Variants in RGS7 observed in about 807,000 individuals in gnomAD.
The protein encoded by RGS7 is regulator of G-protein signaling 7.
In RGS7, 27 loss-of-function variants were observed where a neutral mutation model predicts 81.1. The ratio of observed to expected loss-of-function variants is 0.33; its 90% CI spans 0.25 to 0.46. The LOEUF is 0.46. Ranked by LOEUF, RGS7 falls within the 20% of genes least tolerant of loss-of-function variation. The pLI, the probability that RGS7 is intolerant of heterozygous loss-of-function variation, is 1.00. For synonymous variants in RGS7, 208 were observed against 207.7 expected (o/e 1.00, Z -0.01); for missense variants, 396 against 607.4 (o/e 0.65, Z 3.66).
intron 2 of RGS7, among the ~76,000 whole-genome samples, chr1:241,310,081 C>T (rs377179406): frequency 3.9e-5 from 6 of 152,162 alleles, no homozygotes; most frequent in African/African-American, 9.7e-5. Flanking sequence ...AATCCTGTTT[C>T]GTAAGCAATA....
chr1:240,859,643 T>C (rs1661829513), intron 9 of RGS7, among the ~76,000 whole-genome samples: 1 of 151,974 alleles, frequency 6.6e-6, no homozygotes, highest in African/African-American at 2.4e-5. Context: ...TTGACTTTAC[T>C]GGTTTTTTCC....
At chr1:241,042,967 A>AC (rs1163221478) in intron 3 of RGS7, among the ~76,000 whole-genome samples, 1 of 152,004 alleles carries the variant, frequency 6.6e-6, no homozygotes, top group East Asian at 1.9e-4. Flanking sequence ...AAAAAAAAAA[A>AC]AAAAGGATTA....
At chr1:241,157,732 A>G (rs922614209) in intron 2 of RGS7, among the ~76,000 whole-genome samples, 3 of 152,156 alleles carry the variant, frequency 2.0e-5, no homozygotes, top group African/African-American at 4.8e-5. Flanking sequence ...AAAATAAAAT[A>G]AAAAGCATAA....
At chr1:241,354,788 T>C (rs1040255598) in intron 2 of RGS7, among the ~76,000 whole-genome samples, 3 of 152,212 alleles carry the variant, frequency 2.0e-5, no homozygotes, top group African/African-American at 7.2e-5. Flanking sequence ...CTTTTTACCA[T>C]TGTTAGTGTT....
chr1:240,967,568 TGG>T (rs543910244), intron 4 of RGS7, among the ~76,000 whole-genome samples: 30 of 54,004 alleles, frequency 5.6e-4, no homozygotes, highest in Admixed American at 4.0e-3. Flanking sequence ...TGCCAAGAAG[TGG>T]GGGGGGGGGG....
chr1:240,843,940 C>T (rs1658587219), intron 9 of RGS7, among the ~76,000 whole-genome samples: 1 of 152,098 alleles, frequency 6.6e-6, no homozygotes, highest in South Asian at 2.1e-4. Flanking sequence ...TCTGTGAAAT[C>T]AGAGTCCATG....
At chr1:240,875,701 C>T (rs952276558) in intron 6 of RGS7, among the ~76,000 whole-genome samples, 2 of 152,200 alleles carry the variant, frequency 1.3e-5, no homozygotes, top group South Asian at 2.1e-4. Context: ...ACGCTTGTTA[C>T]CTTTCATCTT....
At chr1:241,273,228 T>A (rs996950708) in intron 2 of RGS7, among the ~76,000 whole-genome samples, 2 of 137,232 alleles carry the variant, frequency 1.5e-5, no homozygotes, top group Non-Finnish European at 3.1e-5. Context: ...AGTTAGCTAA[T>A]CTGCAGCTGA....
At chr1:241,083,254 G>GAAACA (rs149562159) in intron 3 of RGS7, among the ~76,000 whole-genome samples, 32,806 of 141,910 alleles carry the variant, frequency 0.23, 4,329 homozygotes, top group African/African-American at 0.37. Flanking sequence ...AAAAGAAAAA[G>GAAACA]AAACAAAACA....
chr1:241,286,396 T>C (rs2078811742), intron 2 of RGS7, among the ~76,000 whole-genome samples: 1 of 152,160 alleles, frequency 6.6e-6, no homozygotes, highest in East Asian at 1.9e-4. Flanking sequence ...GAGAGATCGT[T>C]TCTTATTATT....
At chr1:241,140,109 G>A (rs1420447358) in intron 2 of RGS7, among the ~76,000 whole-genome samples, 1 of 152,198 alleles carries the variant, frequency 6.6e-6, no homozygotes, top group Non-Finnish European at 1.5e-5. Flanking sequence ...CTTTGTACCA[G>A]GATCCCTTGT....
chr1:240,916,509 G>A (rs1824759), intron 6 of RGS7, among the ~76,000 whole-genome samples: 4,061 of 152,188 alleles, frequency 0.027, 187 homozygotes, highest in African/African-American at 0.093. Flanking sequence ...CTCAACTTAT[G>A]TCAAAGCCCT....
chr1:241,030,385 T>C (rs144693509), intron 3 of RGS7, among the ~76,000 whole-genome samples: 23,635 of 135,458 alleles, frequency 0.17, 3,564 homozygotes, highest in African/African-American at 0.35. Flanking sequence ...CATACACACA[T>C]ACATACACAC....
At chr1:241,242,312 A>AGATAGATAGAT (rs1324651792) in intron 2 of RGS7, among the ~76,000 whole-genome samples, 1 of 127,494 alleles carries the variant, frequency 7.8e-6, no homozygotes, top group Non-Finnish European at 1.8e-5. Context: ...ATGAGTAGAT[A>AGATAGATAGAT]GATAGATAGA....
intron 2 of RGS7, among the ~76,000 whole-genome samples, chr1:241,204,952 A>G (rs142083528): frequency 6.6e-6 from 1 of 152,110 alleles, no homozygotes; most frequent in Non-Finnish European, 1.5e-5. Context: ...GTATACTCAT[A>G]TATTATATAA....
chr1:241,333,289 A>G (rs2082070829), intron 2 of RGS7, among the ~76,000 whole-genome samples: 2 of 152,214 alleles, frequency 1.3e-5, no homozygotes, highest in Admixed American at 1.3e-4. Flanking sequence ...GATTGTTTAA[A>G]TGAGAGAAAG....
intron 2 of RGS7, among the ~76,000 whole-genome samples, chr1:241,308,757 G>T (rs1336612401): frequency 6.6e-6 from 1 of 152,126 alleles, no homozygotes; most frequent in Non-Finnish European, 1.5e-5. Context: ...GGCCCTCTTA[G>T]CTTAATATAC....
intron 3 of RGS7, 70 bp from the exon 4 acceptor site, chr1:240,983,199 TCTC>T: frequency 1.2e-6 from 1 of 828,048 alleles, no homozygotes; most frequent in East Asian, 2.6e-5. Flanking sequence ...CTTTAAGAAT[TCTC>T]CACCTTTGGT....
At chr1:240,783,359 T>C (rs936974551) in intron 18 of RGS7, among the ~76,000 whole-genome samples, 2 of 152,056 alleles carry the variant, frequency 1.3e-5, no homozygotes, top group Non-Finnish European at 1.5e-5. Flanking sequence ...CAGTGGCTCA[T>C]GCTTGTAAAC....
Sources: allele counts gnomAD v4.1 joint callset (sites outside exome capture counted in the v4.1 genomes callset), GRCh38; gene constraint gnomAD v4.1.1; transcripts MANE v1.5; gene names NCBI Gene and HGNC (gene_info 2026-07-23, HGNC 2026-07-21).